Variants in KATNAL1 observed in about 807,000 individuals in gnomAD.
KATNAL1 encodes the protein katanin p60 ATPase-containing subunit A-like 1.
KATNAL1 carries 32 observed loss-of-function variants against 55.2 expected under a neutral mutation model. The ratio of observed to expected loss-of-function variants is 0.58; its 90% CI spans 0.44 to 0.78. KATNAL1 has a LOEUF of 0.78. Among genes scored for constraint, KATNAL1 ranks in the 30% least tolerant of loss-of-function variants. KATNAL1 has a pLI of 0.00. For synonymous variants in KATNAL1, 193 were observed against 193.6 expected (o/e 1.00, Z 0.02); for missense variants, 466 against 600.9 (o/e 0.78, Z 2.35).
At chr13:30,223,256 G>A (rs539139548) in intron 9 of KATNAL1, among the ~76,000 whole-genome samples, 148 of 151,332 alleles carry the variant, frequency 9.8e-4, no homozygotes, top group East Asian at 3.1e-3. Context: ...TGGCTAACAC[G>A]GTGAAACTCC....
chr13:30,251,326 G>A (rs904172190), intron 4 of KATNAL1, among the ~76,000 whole-genome samples: 5 of 151,974 alleles, frequency 3.3e-5, no homozygotes, highest in Admixed American at 6.6e-5. Context: ...TAATAAATCC[G>A]ATTTTCCCAG....
At position 30,202,911 on chromosome 13, in the gene KATNAL1, C is replaced by A. The variant is rs927394271; in HGVS notation, c.*5629G>T. On this transcript the variant is annotated 3_prime_UTR_variant, in exon 11 of 11. Coordinates refer to ENST00000380615, the MANE Select transcript of KATNAL1 (RefSeq NM_032116.5). ...GTTAACTGGGGGCCACTCCCTGCTGCCGTACCATCATATGAATATACATTT... is the reference window on the plus strand; with the variant it reads ...GTTAACTGGGGGCCACTCCCTGCTGACGTACCATCATATGAATATACATTT... 6.6e-6 allele frequency: 1 copy of A among 152,172 alleles called. No individual in the cohort carries two copies. 9.4% of individuals were successfully genotyped at this position (152,172 alleles called of 1,614,324 possible).
intron 3 of KATNAL1, among the ~76,000 whole-genome samples, chr13:30,271,899 A>T (rs1261071570): frequency 1.3e-5 from 2 of 150,550 alleles, no homozygotes; most frequent in African/African-American, 4.9e-5. Flanking sequence ...AAAAAAAAAA[A>T]ACAGAGTTGT....
At position 30,255,529 on chromosome 13, in the gene KATNAL1, C is replaced by T. The variant is rs771085389; in HGVS notation, c.410G>A (p.Gly137Asp). 2 of 1,598,866 alleles carry T rather than the reference C, an allele frequency of 1.3e-6. No homozygotes were observed. Among genetic ancestry groups the T allele is most frequent in the African/African-American group, 1.4e-5 (1 of 73,528 alleles). ...ACTCTTTGATATAGGATGTGCTCGG[C>T]CTACAGGTCCCCGGGCTCCTACTCC... ...MAGVGARGPV[G>D]RAHPISKSEK... The change falls in exon 4 of 11, where the codon GGC becomes GAC. Residue 137 changes from glycine to aspartate, a missense_variant. Gly to Asp is a moderately conservative substitution (Grantham distance 94, BLOSUM62 -1). Coordinates refer to ENST00000380615, the MANE Select transcript of KATNAL1 (RefSeq NM_032116.5).
At chr13:30,297,988 G>A (rs765386526) in intron 1 of KATNAL1, among the ~76,000 whole-genome samples, 2 of 152,032 alleles carry the variant, frequency 1.3e-5, no homozygotes, top group African/African-American at 4.8e-5. Flanking sequence ...TGTAACAAAC[G>A]TGCAGATGTA....
At chr13:30,277,982 CAAAAAAAAAAAAAA>C (rs55683675) in intron 3 of KATNAL1, among the ~76,000 whole-genome samples, 1 of 61,324 alleles carries the variant, frequency 1.6e-5, no homozygotes, top group Non-Finnish European at 2.9e-5. Context: ...GACTCCGTCT[CAAAAAAAAAAAAAA>C]AAAAAAAAAA....
chr13:30,220,509 G>T (rs1439608535), intron 9 of KATNAL1, among the ~76,000 whole-genome samples: 2 of 151,912 alleles, frequency 1.3e-5, no homozygotes, highest in African/African-American at 4.8e-5. Context: ...AGAATGGGAA[G>T]AAACTTTTAA....
Position 30,215,972 on chromosome 13 carries a change from C to T in KATNAL1, c.1148-5530G>A, listed in dbSNP as rs139472312. ...AGAAAATTAACTTCTGTTGTTTAAG[C>T]CACCCAATCTTTGATATTTGTTATG... On this transcript the variant is annotated intron_variant, in intron 9 of 10. Transcript: ENST00000380615. 9.2e-4 allele frequency among the ~76,000 whole-genome samples: 140 copies of T among 152,160 alleles called. 1 individual carries two copies. In the East Asian group the frequency reaches 0.026, roughly 29 times the overall value.
intron 1 of KATNAL1, among the ~76,000 whole-genome samples, chr13:30,293,925 A>G (rs1358159304): frequency 6.6e-6 from 1 of 152,112 alleles, no homozygotes; most frequent in African/African-American, 2.4e-5. Flanking sequence ...CATTTTTATT[A>G]TATCTGTTAA....
At position 30,212,909 on chromosome 13, in the gene KATNAL1, A is replaced by G. The variant is rs7338218; in HGVS notation, c.1148-2467T>C. Among the ~76,000 whole-genome samples the G allele has an allele frequency of 8.5e-3, 1,295 of 152,292 alleles. 11 individuals are homozygous for G. The highest frequency in any genetic ancestry group is 0.029 in the African/African-American group (1,220 of 41,544). ...CAGGAGAGGTAATTAAGGTAAAATGAGGTCATATGGGTGGGCTCTAATCCA... is the reference window on the plus strand; with the variant it reads ...CAGGAGAGGTAATTAAGGTAAAATGGGGTCATATGGGTGGGCTCTAATCCA... On this transcript the variant is annotated intron_variant, in intron 9 of 10. Transcript: ENST00000380615.
intron 2 of KATNAL1, 140 bp from the exon 3 acceptor site, chr13:30,280,363 G>A: frequency 1.7e-6 from 1 of 598,250 alleles, no homozygotes. Flanking sequence ...TAAATACAAA[G>A]AACTATTTCA....
chr13:30,274,895 GCGCGCGCGCGCGCACACACA>G (rs1566122380), intron 3 of KATNAL1, among the ~76,000 whole-genome samples: 7 of 98,122 alleles, frequency 7.1e-5, no homozygotes, highest in African/African-American at 1.4e-4. Flanking sequence ...ACACATACGC[GCGCGCGCGCGCGCACACACA>G]CACACACACA....
At position 30,246,172 on chromosome 13, in the gene KATNAL1, C is replaced by T. The variant is rs540434565; in HGVS notation, c.493-5086G>A. ...TACTACAAGGCTACAGTAACCAAAA[C>T]AGCATGGTGGTACCAAAACAGATAT... On this transcript the variant is annotated intron_variant, in intron 4 of 10. Coordinates refer to ENST00000380615, the MANE Select transcript of KATNAL1 (RefSeq NM_032116.5). 4.6e-5 allele frequency among the ~76,000 whole-genome samples: 7 copies of T among 152,282 alleles called. No individual in the cohort carries two copies. The East Asian group carries it at 1.3e-3, about 29-fold the overall frequency.
chr13:30,243,863 T>G (rs557004386), intron 4 of KATNAL1, among the ~76,000 whole-genome samples: 3 of 152,318 alleles, frequency 2.0e-5, no homozygotes, highest in South Asian at 4.1e-4. Flanking sequence ...CTTGCCTAAT[T>G]TATTCATCTG....
chr13:30,218,545 C>T (rs772989969), intron 9 of KATNAL1, among the ~76,000 whole-genome samples: 1 of 152,154 alleles, frequency 6.6e-6, no homozygotes, highest in Non-Finnish European at 1.5e-5. Context: ...TGTGATCCTA[C>T]CACTCCCCAA....
intron 1 of KATNAL1, among the ~76,000 whole-genome samples, chr13:30,300,281 A>C (rs1163772065): frequency 6.6e-6 from 1 of 152,202 alleles, no homozygotes; most frequent in African/African-American, 2.4e-5. Flanking sequence ...TTCTGCTTTA[A>C]ACTATTTTTA....
rs367895182 is a variant in KATNAL1 at position 30,234,931 on chromosome 13, G to A, written c.727-3459C>T. 5.9e-5 allele frequency among the ~76,000 whole-genome samples: 9 copies of A among 152,148 alleles called. No individual in the cohort carries two copies. In the South Asian group the frequency reaches 6.2e-4, roughly 11 times the overall value. Reference sequence around the variant, plus strand: ...TTATGCTAATGAGGTGACTCATGGTGGCCCCCTATATAGTTTATGCCAACA... The same window carrying A: ...TTATGCTAATGAGGTGACTCATGGTAGCCCCCTATATAGTTTATGCCAACA... On this transcript the variant is annotated intron_variant, in intron 6 of 10. Coordinates refer to ENST00000380615, the MANE Select transcript of KATNAL1 (RefSeq NM_032116.5).
At chr13:30,290,168 C>G (rs1882041086) in intron 1 of KATNAL1, among the ~76,000 whole-genome samples, 2 of 151,870 alleles carry the variant, frequency 1.3e-5, no homozygotes, top group Admixed American at 6.6e-5. Context: ...AAATTAAAAC[C>G]AAAAGAAGCA....
intron 3 of KATNAL1, 72 bp from the exon 4 acceptor site, chr13:30,255,687 A>C: frequency 8.2e-7 from 1 of 1,222,036 alleles, no homozygotes; most frequent in African/African-American, 1.6e-5. Flanking sequence ...TGTCAATACT[A>C]TCTTAGTCAA....
Sources: gnomAD v4.1 joint callset for allele counts (sites outside exome capture counted in the v4.1 genomes callset) on GRCh38, gnomAD v4.1.1 for gene constraint, MANE v1.5 for transcripts, NCBI Gene and HGNC (gene_info 2026-07-23, HGNC 2026-07-21) for gene names.